Variants in CIMIP5 observed in about 807,000 individuals in gnomAD.
CIMIP5 encodes the protein uncharacterized protein C2orf50.
chr2:11,142,715 T>TTTTTTG, the CIMIP5 span, among the ~76,000 whole-genome samples: 1 of 123,856 alleles, frequency 8.1e-6, no homozygotes, highest in Non-Finnish European at 1.6e-5. Context: ...CTTGTCAGAT[T>TTTTTTG]TTTTTTTTTT....
the CIMIP5 span, chr2:11,133,281 G>C: frequency 1.4e-5 from 20 of 1,458,806 alleles, no homozygotes; most frequent in Non-Finnish European, 1.7e-5. Flanking sequence ...TCAGGCACAG[G>C]TCTCTCTCTC....
chr2:11,147,732 C>T, the CIMIP5 span, among the ~76,000 whole-genome samples: 55 of 152,242 alleles, frequency 3.6e-4, 1 homozygote, highest in Non-Finnish European at 2.8e-4. Context: ...AATGACCTGT[C>T]ATCACGCCAA....
chr2:11,142,428 T>C, the CIMIP5 span, among the ~76,000 whole-genome samples: 1 of 152,186 alleles, frequency 6.6e-6, no homozygotes, highest in East Asian at 1.9e-4. Flanking sequence ...CTGTCTATTC[T>C]GGAGGGAAAA....
chr2:11,133,869 G>A, the CIMIP5 span, among the ~76,000 whole-genome samples: 3 of 152,276 alleles, frequency 2.0e-5, no homozygotes, highest in Non-Finnish European at 4.4e-5. Context: ...CCCTTGAGCT[G>A]GAGCCTGCTG....
chr2:11,152,707 G>A, the CIMIP5 span, among the ~76,000 whole-genome samples: 10 of 152,120 alleles, frequency 6.6e-5, no homozygotes, highest in South Asian at 2.1e-4. Context: ...AGAGACCCCC[G>A]TCCAGACACT....
At chr2:11,141,696 G>A in the CIMIP5 span, among the ~76,000 whole-genome samples, 22,812 of 152,166 alleles carry the variant, frequency 0.15, 4,879 homozygotes, top group African/African-American at 0.48. Flanking sequence ...TAAGAGAAAG[G>A]ATGAGGCCAG....
chr2:11,146,391 C>T, the CIMIP5 span: 9 of 152,146 alleles, frequency 5.9e-5, no homozygotes, highest in African/African-American at 1.9e-4. Context: ...CCCTTTAATC[C>T]TCAATGAATT....
chr2:11,143,144 G>C, the CIMIP5 span, among the ~76,000 whole-genome samples: 1 of 152,102 alleles, frequency 6.6e-6, no homozygotes, highest in Non-Finnish European at 1.5e-5. Flanking sequence ...TGGTGATACA[G>C]GTGAATAACT....
chr2:11,147,606 T>A, the CIMIP5 span, among the ~76,000 whole-genome samples: 2 of 152,220 alleles, frequency 1.3e-5, no homozygotes, highest in African/African-American at 4.8e-5. Context: ...TCTCTTGGAC[T>A]GAAAGCCTCC....
chr2:11,146,135 T>G, the CIMIP5 span: 3 of 152,194 alleles, frequency 2.0e-5, no homozygotes, highest in Non-Finnish European at 4.4e-5. Context: ...TGCTCTGTCT[T>G]TGATGCTTGC....
chr2:11,136,995 G>A, the CIMIP5 span, among the ~76,000 whole-genome samples: 1 of 152,220 alleles, frequency 6.6e-6, no homozygotes, highest in Non-Finnish European at 1.5e-5. Context: ...AGCCCAAAGA[G>A]GAATGTGCAA....
the CIMIP5 span, chr2:11,133,202 G>A: frequency 2.7e-4 from 300 of 1,124,286 alleles, 1 homozygote; most frequent in Non-Finnish European, 5.5e-5. Context: ...GGACAGTGAG[G>A]AGGACCCTGC....
chr2:11,138,903 TTTTATTTTTATTTTTA>T, the CIMIP5 span, among the ~76,000 whole-genome samples: 2 of 151,976 alleles, frequency 1.3e-5, no homozygotes, highest in East Asian at 3.9e-4. Context: ...ACCTTCTTTT[TTTTATTTTTATTTTTA>T]TTTATTTTTA....
chr2:11,141,631 G>A, the CIMIP5 span, among the ~76,000 whole-genome samples: 1 of 151,908 alleles, frequency 6.6e-6, no homozygotes, highest in African/African-American at 2.4e-5. Context: ...CCGTTATTTT[G>A]GTATTCCATG....
chr2:11,134,301 G>A, the CIMIP5 span, among the ~76,000 whole-genome samples: 3 of 152,210 alleles, frequency 2.0e-5, no homozygotes, highest in East Asian at 3.8e-4. Context: ...GGGGAGCAGC[G>A]GGGGCCACCC....
At chr2:11,136,852 A>G in the CIMIP5 span, among the ~76,000 whole-genome samples, 1 of 152,260 alleles carries the variant, frequency 6.6e-6, no homozygotes, top group Non-Finnish European at 1.5e-5. Flanking sequence ...GGATCAGAAG[A>G]GGCGAGGATG....
chr2:11,135,922 A>G, the CIMIP5 span, among the ~76,000 whole-genome samples: 2 of 152,074 alleles, frequency 1.3e-5, no homozygotes, highest in South Asian at 2.1e-4. Context: ...CCATTTATTT[A>G]TCTTCTTTGG....
chr2:11,147,756 A>G, the CIMIP5 span, among the ~76,000 whole-genome samples: 1 of 151,738 alleles, frequency 6.6e-6, no homozygotes, highest in Non-Finnish European at 1.5e-5. Flanking sequence ...CCTCACAACC[A>G]GCCCCACCCA....
chr2:11,139,387 G>A, the CIMIP5 span, among the ~76,000 whole-genome samples: 1 of 152,216 alleles, frequency 6.6e-6, no homozygotes, highest in Non-Finnish European at 1.5e-5. Flanking sequence ...CAGGGGCTGT[G>A]AGGATGGGGA....
Sources: gnomAD v4.1 joint callset for allele counts (sites outside exome capture counted in the v4.1 genomes callset) on GRCh38, gnomAD v4.1.1 for gene constraint, MANE v1.5 for transcripts, NCBI Gene and HGNC (gene_info 2026-07-23, HGNC 2026-07-21) for gene names.